Variants in CNBD1 observed in about 807,000 individuals in gnomAD.
CNBD1 encodes cyclic nucleotide binding domain containing 1, also known as cyclic nucleotide-binding domain-containing protein 1.
A neutral mutation model predicts 54.4 loss-of-function variants in CNBD1; 71 were observed. The observed-to-expected ratio is 1.30, with a 90% CI of 1.08 to 1.59. The LOEUF is 1.59. Among genes scored for constraint, CNBD1 ranks in the 40% most tolerant of loss-of-function variants. The probability of loss-of-function intolerance (pLI) is 0.00; values close to 1 mark genes in which losing one functional copy is unlikely to be tolerated. For synonymous variants in CNBD1, 182 were observed against 170.7 expected, an observed-to-expected ratio of 1.07 and a Z score of -0.51; for missense variants, 659 against 518.0, an observed-to-expected ratio of 1.27 and a Z score of -2.64.
At chr8:87,383,003 T>G (rs770246114), downstream of CNBD1, 50 of 165,140 alleles carry the variant, frequency 3.0e-4, no homozygotes, top group Non-Finnish European at 5.6e-4. Context: ...TTTTTGACTG[T>G]CAGGGTTTGG....
At chr8:87,298,437 A>G (rs1332189981) in intron 8 of CNBD1, among the ~76,000 whole-genome samples, 1 of 151,506 alleles carries the variant, frequency 6.6e-6, no homozygotes, top group Non-Finnish European at 1.5e-5. Flanking sequence ...ATTGAACAAC[A>G]TAAATGGATA....
At chr8:87,334,309 A>T (rs1809897498) in intron 8 of CNBD1, among the ~76,000 whole-genome samples, 2 of 149,492 alleles carry the variant, frequency 1.3e-5, no homozygotes, top group South Asian at 2.1e-4. Flanking sequence ...CTATTTTTTA[A>T]TTTTTTCAAA....
chr8:87,025,288 C>T (rs1238267470), intron 4 of CNBD1, among the ~76,000 whole-genome samples: 4 of 152,100 alleles, frequency 2.6e-5, no homozygotes, highest in East Asian at 3.9e-4. Context: ...CTGGCCACCC[C>T]AGCCAGCTGG....
In CNBD1 at chr8:87,270,103, A is replaced by G. The variant is rs975623858; in HGVS notation, c.772-14575A>G. 2.0e-5 allele frequency among the ~76,000 whole-genome samples: 3 copies of G among 152,172 alleles called. No individual in the cohort carries two copies. The South Asian group carries it at 6.2e-4, about 32-fold the overall frequency. On this transcript the variant is annotated intron_variant, in intron 6 of 10. Transcript: ENST00000518476. ...ATTCCTGGGGTACAAGACTATCTCA[A>G]CATACACAAATCAATAAATGTGATT...
intron 2 of CNBD1, among the ~76,000 whole-genome samples, chr8:87,426,170 C>T (rs1473845622): frequency 6.6e-6 from 1 of 152,230 alleles, no homozygotes; most frequent in Non-Finnish European, 1.5e-5. Context: ...CCTCGCCCTG[C>T]TTCAGCTGGC....
chr8:87,320,228 T>C (rs1195564991), intron 8 of CNBD1, among the ~76,000 whole-genome samples: 1 of 152,114 alleles, frequency 6.6e-6, no homozygotes, highest in African/African-American at 2.4e-5. Flanking sequence ...GTTCATTATA[T>C]TTCAGGCTTT....
intron 8 of CNBD1, among the ~76,000 whole-genome samples, chr8:87,334,466 T>C (rs1809900835): frequency 6.6e-6 from 1 of 152,098 alleles, no homozygotes; most frequent in East Asian, 1.9e-4. Flanking sequence ...TTCATTATGA[T>C]ATTAGGGTGT....
chr8:87,123,600 T>C (rs1408944613), intron 4 of CNBD1, among the ~76,000 whole-genome samples: 1 of 151,276 alleles, frequency 6.6e-6, no homozygotes, highest in Non-Finnish European at 1.5e-5. Flanking sequence ...ATGTTAAGCC[T>C]CAGGAAACTA....
At chr8:86,908,800 T>TTTATACGGAGTCC in intron 3 of CNBD1, among the ~76,000 whole-genome samples, 1 of 135,768 alleles carries the variant, frequency 7.4e-6, no homozygotes. Flanking sequence ...TTTTTTTTTT[T>TTTATACGGAGTCC]TGTGCTGAGG....
chr8:86,904,438 G>A (rs1158559110), intron 2 of CNBD1, among the ~76,000 whole-genome samples: 2 of 151,830 alleles, frequency 1.3e-5, no homozygotes, highest in Non-Finnish European at 2.9e-5. Flanking sequence ...TTGCTTATTG[G>A]CATTTTTGGT....
At chr8:87,210,276 A>T (rs185310707) in intron 5 of CNBD1, among the ~76,000 whole-genome samples, 1 of 152,290 alleles carries the variant, frequency 6.6e-6, no homozygotes, top group African/African-American at 2.4e-5. Flanking sequence ...AGAGCATGAG[A>T]GTTTTGAAAA....
chr8:87,224,018 T>C (rs886651668), intron 5 of CNBD1, among the ~76,000 whole-genome samples: 30 of 152,110 alleles, frequency 2.0e-4, no homozygotes, highest in African/African-American at 5.8e-4. Context: ...TTTCATGTGT[T>C]TTTTGGCTGC....
chr8:87,191,238 G>T (rs2130785929), intron 4 of CNBD1, among the ~76,000 whole-genome samples: 1 of 152,208 alleles, frequency 6.6e-6, no homozygotes, highest in Admixed American at 6.5e-5. Flanking sequence ...GCCAAAGACT[G>T]GGAATCTGAG....
chr8:87,327,924 G>T (rs1809719881), intron 8 of CNBD1, among the ~76,000 whole-genome samples: 2 of 151,922 alleles, frequency 1.3e-5, no homozygotes, highest in South Asian at 2.1e-4. Flanking sequence ...ATTGTGTAAG[G>T]TAAGAGTCTG....
chr8:87,118,794 G>T (rs1404576656), intron 4 of CNBD1, among the ~76,000 whole-genome samples: 1 of 152,042 alleles, frequency 6.6e-6, no homozygotes, highest in Non-Finnish European at 1.5e-5. Context: ...AACACACCTG[G>T]GAAAGGCACA....
chr8:87,011,411 A>G (rs1380119933), intron 4 of CNBD1, among the ~76,000 whole-genome samples: 1 of 152,024 alleles, frequency 6.6e-6, no homozygotes, highest in Non-Finnish European at 1.5e-5. Context: ...CCCATTGTCT[A>G]TCTTGGTTGT....
intron 4 of CNBD1, among the ~76,000 whole-genome samples, chr8:86,992,220 G>A (rs1808768713): frequency 6.6e-6 from 1 of 151,772 alleles, no homozygotes; most frequent in African/African-American, 2.4e-5. Context: ...GTTTAGTATA[G>A]TTAAGTCTTT....
rs1355076802 is a variant in CNBD1, at chr8:87,017,412, AT to A, written c.431+77663del. On this transcript the variant is annotated intron_variant, in intron 4 of 10. Coordinates refer to ENST00000518476, the MANE Select transcript of CNBD1 (RefSeq NM_173538.3). ...GGGGCTAATGGCAAAAACCGTAAGT[AT>A]TTTTCGGTAACAATGACTGAGCTAG... 2.0e-5 allele frequency among the ~76,000 whole-genome samples: 3 copies of A among 152,214 alleles called. No individual in the cohort carries two copies. In the East Asian group the frequency reaches 5.8e-4, roughly 29 times the overall value.
Position 87,193,107 on chromosome 8 carries a change from A to G in CNBD1, c.432-12886A>G, listed in dbSNP as rs954284498. Among the ~76,000 whole-genome samples, 7 of 152,302 alleles carry G rather than the reference A, an allele frequency of 4.6e-5. No individual in the cohort carries two copies. In the South Asian group the frequency reaches 1.4e-3, roughly 32 times the overall value. The stretch of plus-strand genomic sequence containing the variant: ...TTCTAGATCAGAGATTAAGCATTCA[A>G]TGAAAATAGAAAATTAACAAGAAGT... On this transcript the variant is annotated intron_variant, in intron 4 of 10. Transcript: ENST00000518476.
Sources: allele counts gnomAD v4.1 joint callset (sites outside exome capture counted in the v4.1 genomes callset), GRCh38; gene constraint gnomAD v4.1.1; transcripts MANE v1.5; gene names NCBI Gene and HGNC (gene_info 2026-07-23, HGNC 2026-07-21).